CYCS: variants seen among roughly 807,000 people sequenced by gnomAD.
CYCS encodes cytochrome c.
For synonymous variants in CYCS, 41 were observed against 43.0 expected (o/e 0.95, Z 0.18); for missense variants, 87 against 125.3 (o/e 0.69, Z 1.46).
Position 25,119,379 on chromosome 7 carries a change from C to A in CYCS, c.*4322G>T, listed in dbSNP as rs181786378. 8.2e-3 allele frequency among the ~76,000 whole-genome samples: 1,242 copies of A among 150,972 alleles called. 8 individuals are homozygous for A. Among genetic ancestry groups the A allele is most frequent in the Non-Finnish European group, 0.014 (915 of 67,744 alleles). On this transcript the variant is annotated 3_prime_UTR_variant, in exon 3 of 3. Transcript: ENST00000305786. The stretch of plus-strand genomic sequence containing the variant: ...GCAACCCCCATCTCCCAGGTTCAAG[C>A]GATTCTCCTGCCTCAGCCTCTCAAA...
rs758819864 is a variant in CYCS, at chr7:25,123,942, G to A, written c.169+9C>T. On this transcript the variant is annotated intron_variant, in intron 2 of 2. Transcript: ENST00000305786. ...TTTTGTGTTGTTTTATTTAACAAGTGACTCTTACCTTTGTTCTTATTGGCG... is the reference window on the plus strand; with the variant it reads ...TTTTGTGTTGTTTTATTTAACAAGTAACTCTTACCTTTGTTCTTATTGGCG... 3.7e-6 allele frequency: 6 copies of A among 1,613,974 alleles called. No homozygotes were observed. The highest frequency in any genetic ancestry group is 5.1e-6 in the Non-Finnish European group (6 of 1,180,022).
At position 25,120,044 on chromosome 7, in the gene CYCS, G is replaced by C. The variant is rs1396835951; in HGVS notation, c.*3657C>G. ...TATAAAGGTGAGCACAACAGGAACTGGAATCTATTCTGAAGGGCAATATAA... is the reference window on the plus strand; with the variant it reads ...TATAAAGGTGAGCACAACAGGAACTCGAATCTATTCTGAAGGGCAATATAA... On this transcript the variant is annotated 3_prime_UTR_variant, in exon 3 of 3. Transcript: ENST00000305786. 6.6e-6 allele frequency: 1 copy of C among 151,842 alleles called. No individual in the cohort carries two copies. The highest frequency in any genetic ancestry group is 2.4e-5 in the African/African-American group (1 of 41,320). The allele number at this position is 151,842 out of a possible 1,614,324, so 9.4% of individuals were successfully genotyped here.
Position 25,123,789 on chromosome 7 carries a change from G to C in CYCS, c.230C>G (p.Pro77Arg), listed in dbSNP as rs11548818. ...GCCGACAAAGATCATTTTTGTTCCA[G>C]GGATGTACTTCTTGGGATTCTCCAA... ...EYLENPKKYI[P>R]GTKMIFVGIK... The change falls in exon 3 of 3, where the codon CCT (proline) becomes CGT (arginine). Residue 77 changes from proline (P) to arginine (R), a missense_variant. By Grantham distance (103) the Pro-to-Arg change is moderately radical. Transcript: ENST00000305786. The C allele has an allele frequency of 4.3e-6, 7 of 1,612,818 alleles. No homozygotes were observed. In the African/African-American group the frequency reaches 9.3e-5, roughly 22 times the overall value.
In CYCS at chr7:25,123,220, T is replaced by C. The variant is rs561477883; in HGVS notation, c.*481A>G. 2 of 182,906 alleles carry C rather than the reference T, an allele frequency of 1.1e-5. No homozygotes were observed. Among genetic ancestry groups the C allele is most frequent in the South Asian group, 1.1e-4 (1 of 8,968 alleles). 11.3% of individuals were successfully genotyped at this position (182,906 alleles called of 1,614,324 possible). A position where few individuals can be genotyped will look rare whatever the true frequency, so the allele number is the denominator to read the frequency against. ...AGATTGGCATAGTTAAGGCCAAAACTATAGACATTGCTACCTTATTTATCT... is the reference window on the plus strand; with the variant it reads ...AGATTGGCATAGTTAAGGCCAAAACCATAGACATTGCTACCTTATTTATCT... On this transcript the variant is annotated 3_prime_UTR_variant, in exon 3 of 3. Coordinates refer to ENST00000305786, the MANE Select transcript of CYCS (RefSeq NM_018947.6).
chr7:25,123,787 C>T lies in CYCS; in HGVS notation c.232G>A (p.Gly78Arg). The T allele has an allele frequency of 6.2e-7, 1 of 1,613,062 alleles. No individual in the cohort carries two copies. The highest frequency in any genetic ancestry group is 1.1e-5 in the South Asian group (1 of 91,088). Residue 78 changes from glycine (G) to arginine (R), a missense_variant, in exon 3 of 3, where the codon GGA (glycine) becomes AGA (arginine). Coordinates refer to ENST00000305786, the MANE Select transcript of CYCS (RefSeq NM_018947.6). ...ATGCCGACAAAGATCATTTTTGTTCCAGGGATGTACTTCTTGGGATTCTCC... is the reference window on the plus strand; with the variant it reads ...ATGCCGACAAAGATCATTTTTGTTCTAGGGATGTACTTCTTGGGATTCTCC... Reference protein sequence around the residue: ...YLENPKKYIPGTKMIFVGIKK... With the variant: ...YLENPKKYIPRTKMIFVGIKK...
At position 25,124,112 on chromosome 7, in the gene CYCS, T is replaced by C; in HGVS notation, c.8A>G (p.Asp3Gly). The C allele has an allele frequency of 6.2e-7, 1 of 1,613,138 alleles. No individual in the cohort carries two copies. The highest frequency in any genetic ancestry group is 8.5e-7 in the Non-Finnish European group (1 of 1,179,802). ...AAAAATCTTCTTGCCTTTCTCAACA[T>C]CACCCATATTTAATTCTAAAAACGA... The part of the protein sequence containing the change: MG[D>G]VEKGKKIFIM... The change falls in exon 2 of 3, where the codon GAT becomes GGT. Residue 3 changes from aspartate to glycine, a missense_variant. Asp to Gly is a moderately conservative substitution (Grantham distance 94). Coordinates refer to ENST00000305786, the MANE Select transcript of CYCS (RefSeq NM_018947.6).
rs1783374359 is a variant in CYCS at position 25,122,212 on chromosome 7, T to C, written c.*1489A>G. ...GGATTTCCAGGATGCATTTTTAAAT[T>C]CCCCACCAGAACTCAGACTAGGACT... On this transcript the variant is annotated 3_prime_UTR_variant, in exon 3 of 3. Coordinates refer to ENST00000305786, the MANE Select transcript of CYCS (RefSeq NM_018947.6). 1 of 152,164 alleles carries C rather than the reference T, an allele frequency of 6.6e-6. No homozygotes were observed. Among genetic ancestry groups the C allele is most frequent in the African/African-American group, 2.4e-5 (1 of 41,432 alleles). The allele number at this position is 152,164 out of a possible 1,614,324, so 9.4% of individuals were successfully genotyped here.
rs1562515398 is a variant in CYCS, at chr7:25,122,347, C to A, written c.*1354G>T. 1 of 152,174 alleles carries A rather than the reference C, an allele frequency of 6.6e-6. No homozygotes were observed. 9.4% of individuals were successfully genotyped at this position (152,174 alleles called of 1,614,324 possible). ...ACACCTATCTAATCGTCCCTATCAC[C>A]TTTGAGACCATGGATTCACATCTTC... On this transcript the variant is annotated 3_prime_UTR_variant, in exon 3 of 3. Coordinates refer to ENST00000305786, the MANE Select transcript of CYCS (RefSeq NM_018947.6).
At position 25,121,229 on chromosome 7, in the gene CYCS, C is replaced by T. The variant is rs893170624; in HGVS notation, c.*2472G>A. On this transcript the variant is annotated 3_prime_UTR_variant, in exon 3 of 3. Transcript: ENST00000305786. ...AGTTACTCATCTGTGCCAACACAGA[C>T]CTTAATATAGGAGGCATAGAAATGA... is the stretch of plus-strand genomic sequence containing the variant. The T allele has an allele frequency of 2.0e-5, 3 of 151,938 alleles. No individual in the cohort carries two copies. Among genetic ancestry groups the T allele is most frequent in the Admixed American group, 2.0e-4 (3 of 15,240 alleles). 9.4% of individuals were successfully genotyped at this position (151,938 alleles called of 1,614,324 possible). A position where few individuals can be genotyped will look rare whatever the true frequency, so the allele number is the denominator to read the frequency against.
In CYCS at chr7:25,123,453, A is replaced by T. The variant is rs533205759; in HGVS notation, c.*248T>A. ...AAGTTGAACATTACTAACGAAGTCT[A>T]ATCATATCTTTAAAAGGGGTAAACA... On this transcript the variant is annotated 3_prime_UTR_variant, in exon 3 of 3. Transcript: ENST00000305786. The T allele has an allele frequency of 7.4e-4, 351 of 472,680 alleles. 3 individuals carry two copies. The highest frequency in any genetic ancestry group is 7.4e-3 in the South Asian group (343 of 46,616). 29.3% of individuals were successfully genotyped at this position (472,680 alleles called of 1,614,324 possible). A position where few individuals can be genotyped will look rare whatever the true frequency, so the allele number is the denominator to read the frequency against.
Position 25,125,235 on chromosome 7 carries a change from T to C in CYCS, c.-44A>G, listed in dbSNP as rs1783429015. ...TCGCTGGCACAACGAACACTCCCGCTCCGAAGCCGGACGTCCCCACTCTCT... is the reference window on the plus strand; with the variant it reads ...TCGCTGGCACAACGAACACTCCCGCCCCGAAGCCGGACGTCCCCACTCTCT... On this transcript the variant is annotated 5_prime_UTR_variant, in exon 1 of 3. Transcript: ENST00000305786. 1 of 152,838 alleles carries C rather than the reference T, an allele frequency of 6.5e-6. No individual in the cohort carries two copies. The highest frequency in any genetic ancestry group is 2.1e-4 in the South Asian group (1 of 4,832). The allele number at this position is 152,838 out of a possible 1,614,324, so 9.5% of individuals were successfully genotyped here. A position where few individuals can be genotyped will look rare whatever the true frequency, so the allele number is the denominator to read the frequency against.
chr7:25,125,170 C>A (rs1467832848), intron 1 of CYCS, 30 bp downstream of exon 1: 3 of 152,836 alleles, frequency 2.0e-5, no homozygotes, highest in Non-Finnish European at 4.4e-5. Context: ...CTGCCTCTAA[C>A]CAGGTGCGGC....
chr7:25,122,747 G>A lies in CYCS; in HGVS notation c.*954C>T, dbSNP rs1319248012. On this transcript the variant is annotated 3_prime_UTR_variant, in exon 3 of 3. Transcript: ENST00000305786. ...TGCTGCACTGACATTTAGGGCTGCT[G>A]CACTGACATTTAGGGCTCCTGCACT... 1.3e-5 allele frequency: 2 copies of A among 151,984 alleles called. No individual in the cohort carries two copies. The highest frequency in any genetic ancestry group is 2.4e-5 in the African/African-American group (1 of 41,442). The allele number at this position is 151,984 out of a possible 1,614,324, so 9.4% of individuals were successfully genotyped here. A position where few individuals can be genotyped will look rare whatever the true frequency, so the allele number is the denominator to read the frequency against.
chr7:25,121,284 C>T lies in CYCS; in HGVS notation c.*2417G>A, dbSNP rs1783358662. The T allele has an allele frequency of 6.6e-6, 1 of 152,282 alleles. No individual in the cohort carries two copies. Among genetic ancestry groups the T allele is most frequent in the African/African-American group, 2.4e-5 (1 of 41,444 alleles). The allele number at this position is 152,282 out of a possible 1,614,324, so 9.4% of individuals were successfully genotyped here. A position where few individuals can be genotyped will look rare whatever the true frequency, so the allele number is the denominator to read the frequency against. On this transcript the variant is annotated 3_prime_UTR_variant, in exon 3 of 3. Transcript: ENST00000305786. ...AATTGGCCGGACGTGGTGGCTCACA[C>T]CTGTAATCCTAGAACTTTGGGAGGC...
At position 25,122,670 on chromosome 7, in the gene CYCS, A is replaced by G. The variant is rs1415699625; in HGVS notation, c.*1031T>C. On this transcript the variant is annotated 3_prime_UTR_variant, in exon 3 of 3. Transcript: ENST00000305786. ...AATTAGTGAAGTGTTATTCTAGTTG[A>G]GGCAGTCCTAGAAAACCAAGTAAAC... 6.6e-6 allele frequency: 1 copy of G among 152,236 alleles called. No homozygotes were observed. Among genetic ancestry groups the G allele is most frequent in the East Asian group, 1.9e-4 (1 of 5,200 alleles). 9.4% of individuals were successfully genotyped at this position (152,236 alleles called of 1,614,324 possible).
Position 25,122,298 on chromosome 7 carries a change from T to C in CYCS, c.*1403A>G, listed in dbSNP as rs906897064. 6 of 152,246 alleles carry C rather than the reference T, an allele frequency of 3.9e-5. No homozygotes were observed. Among genetic ancestry groups the C allele is most frequent in the African/African-American group, 1.4e-4 (6 of 41,454 alleles). The allele number at this position is 152,246 out of a possible 1,614,324, so 9.4% of individuals were successfully genotyped here. On this transcript the variant is annotated 3_prime_UTR_variant, in exon 3 of 3. Coordinates refer to ENST00000305786, the MANE Select transcript of CYCS (RefSeq NM_018947.6). ...ATAAATAAAAATAAGACTCATATGT[T>C]ATAAATTGCTTTCAGGCCTTAAAAC...
At position 25,123,502 on chromosome 7, in the gene CYCS, G is replaced by A. The variant is rs1801082; in HGVS notation, c.*199C>T. 1 of 587,948 alleles carries A rather than the reference G, an allele frequency of 1.7e-6. No homozygotes were observed. Among genetic ancestry groups the A allele is most frequent in the African/African-American group, 1.9e-5 (1 of 53,604 alleles). 36.4% of individuals were successfully genotyped at this position (587,948 alleles called of 1,614,324 possible). On this transcript the variant is annotated 3_prime_UTR_variant, in exon 3 of 3. Coordinates refer to ENST00000305786, the MANE Select transcript of CYCS (RefSeq NM_018947.6). ...CAGTGATACCATTTACTGAATTGGA[G>A]TTACTATTAAAATTCAAAAACTGAA...
At chr7:25,124,419 T>C (rs948153021) in intron 1 of CYCS, among the ~76,000 whole-genome samples, 1 of 152,230 alleles carries the variant, frequency 6.6e-6, no homozygotes, top group Non-Finnish European at 1.5e-5. Context: ...GAGACAATCA[T>C]GGTCACGAAG....
At position 25,123,335 on chromosome 7, in the gene CYCS, G is replaced by C. The variant is rs1382473517; in HGVS notation, c.*366C>G. The C allele has an allele frequency of 3.3e-6, 1 of 302,418 alleles. No homozygotes were observed. The highest frequency in any genetic ancestry group is 6.4e-6 in the Non-Finnish European group (1 of 156,086). The allele number at this position is 302,418 out of a possible 1,614,324, so 18.7% of individuals were successfully genotyped here. On this transcript the variant is annotated 3_prime_UTR_variant, in exon 3 of 3. Coordinates refer to ENST00000305786, the MANE Select transcript of CYCS (RefSeq NM_018947.6). ...CTAAGACAGTGAAGCAATTTCCCCAGTATTTAAATATATTCACATAACCAG... is the reference window on the plus strand; with the variant it reads ...CTAAGACAGTGAAGCAATTTCCCCACTATTTAAATATATTCACATAACCAG...
Sources: gnomAD v4.1 joint callset for allele counts (sites outside exome capture counted in the v4.1 genomes callset) on GRCh38, gnomAD v4.1.1 for gene constraint, MANE v1.5 for transcripts, NCBI Gene and HGNC (gene_info 2026-07-23, HGNC 2026-07-21) for gene names.